KIAA0753: variants seen among roughly 807,000 people sequenced by gnomAD.
KIAA0753 encodes protein moonraker.
KIAA0753 carries 114 observed loss-of-function variants against 116.9 expected under a neutral mutation model. The observed-to-expected ratio is 0.98, with a 90% confidence interval of 0.84 to 1.14. The LOEUF (loss-of-function observed/expected upper bound fraction) is 1.14, where lower values mean the gene tolerates loss of function less well. Among genes scored for constraint, KIAA0753 ranks in the 50% most tolerant of loss-of-function variants. KIAA0753 has a pLI of 0.00. For synonymous variants in KIAA0753, 405 were observed against 413.1 expected, an observed-to-expected ratio of 0.98 and a Z score of 0.24; for missense variants, 1,156 against 1,172.4, an observed-to-expected ratio of 0.99 and a Z score of 0.20.
intron 14 of KIAA0753, among the ~76,000 whole-genome samples, chr17:6,596,921 T>G (rs1969526052): frequency 6.6e-6 from 1 of 152,232 alleles, no homozygotes; most frequent in Non-Finnish European, 1.5e-5. Context: ...GAATGCATGT[T>G]TATAATCTGC....
chr17:6,588,919 T>C (rs1416411516), intron 18 of KIAA0753, among the ~76,000 whole-genome samples: 1 of 152,158 alleles, frequency 6.6e-6, no homozygotes, highest in Non-Finnish European at 1.5e-5. Context: ...AAAGAAAATG[T>C]TGCAAAATCA....
chr17:6,629,904 A>C (rs1192340697), intron 2 of KIAA0753, among the ~76,000 whole-genome samples: 1 of 152,226 alleles, frequency 6.6e-6, no homozygotes, highest in Non-Finnish European at 1.5e-5. Flanking sequence ...TTGTCATTTG[A>C]GGTCAGGAGT....
intron 7 of KIAA0753, among the ~76,000 whole-genome samples, chr17:6,615,715 T>C (rs944435547): frequency 2.0e-5 from 3 of 151,704 alleles, no homozygotes; most frequent in African/African-American, 7.3e-5. Flanking sequence ...CTGTAAGTCC[T>C]GTTACCTTTC....
At chr17:6,634,360 T>G (rs1418411879) in intron 2 of KIAA0753, among the ~76,000 whole-genome samples, 1 of 152,176 alleles carries the variant, frequency 6.6e-6, no homozygotes, top group Admixed American at 6.5e-5. Context: ...CGCCTGGACC[T>G]CCCAAAGTGC....
Position 6,639,941 on chromosome 17 carries a change from C to G in KIAA0753, c.-69+696G>C, listed in dbSNP as rs1256969997. The G allele has an allele frequency of 6.5e-6, 1 of 153,584 alleles. No individual in the cohort carries two copies. The highest frequency in any genetic ancestry group is 1.5e-5 in the Non-Finnish European group (1 of 68,938). 9.5% of individuals were successfully genotyped at this position (153,584 alleles called of 1,614,324 possible). On this transcript the variant is annotated intron_variant, in intron 1 of 18. Coordinates refer to ENST00000361413, the MANE Select transcript of KIAA0753 (RefSeq NM_014804.3). The surrounding 1 kb of genome is among the most constrained non-coding windows in gnomAD (Gnocchi z 4.3). ...ACAGCCCCGGCAAGCCCCACCACCT[C>G]GGGCTCCCCCACAGCCCCGTTCACC...
At chr17:6,580,650 G>A (rs1388397817) in intron 18 of KIAA0753, among the ~76,000 whole-genome samples, 1 of 152,088 alleles carries the variant, frequency 6.6e-6, no homozygotes, top group East Asian at 1.9e-4. Flanking sequence ...AAGGTGAGAG[G>A]CCCTGCTCTC....
In KIAA0753 at chr17:6,610,088, A is replaced by C. The variant is rs1970432374; in HGVS notation, c.1618T>G (p.Ser540Ala). Residue 540 changes from serine (S) to alanine (A), a missense_variant, in exon 9 of 19, where the codon TCA becomes GCA. Physicochemically the swap from Ser to Ala is moderately conservative, Grantham distance 99. Transcript: ENST00000361413. ...TGCCGGTTCATTTTTAATCTGGATG[A>C]AACTGTTGTCTGCTGCACTCTGCTT... ...SKSRVQQTTV[S>A]SRLKMNRQPV... is the part of the protein sequence containing the mutation. 1 of 1,613,988 alleles carries C rather than the reference A, an allele frequency of 6.2e-7. No individual in the cohort carries two copies. The highest frequency in any genetic ancestry group is 8.5e-7 in the Non-Finnish European group (1 of 1,180,034).
At chr17:6,635,408 A>C (rs1025129465) in intron 1 of KIAA0753, 2 of 202,578 alleles carry the variant, frequency 9.9e-6, no homozygotes, top group Non-Finnish European at 1.9e-5. Context: ...TACTATTTTA[A>C]TAATAATCTC....
At chr17:6,592,302 A>C (rs1163618958) in intron 16 of KIAA0753, among the ~76,000 whole-genome samples, 1 of 152,216 alleles carries the variant, frequency 6.6e-6, no homozygotes, top group Non-Finnish European at 1.5e-5. Flanking sequence ...CCTATTTTAC[A>C]TGATGACATG....
chr17:6,599,538 A>G (rs1026074731), intron 13 of KIAA0753, among the ~76,000 whole-genome samples: 3 of 152,136 alleles, frequency 2.0e-5, no homozygotes, highest in Non-Finnish European at 1.5e-5. Context: ...CTCTGTAAAC[A>G]TTGTCAGAAT....
At chr17:6,637,314 C>G (rs1422855287) in intron 1 of KIAA0753, 7 of 152,314 alleles carry the variant, frequency 4.6e-5, no homozygotes, top group Admixed American at 4.6e-4. Context: ...CACCGTGTCT[C>G]CTTCTCCACA....
intron 16 of KIAA0753, among the ~76,000 whole-genome samples, chr17:6,592,565 AT>A (rs751344919): frequency 8.5e-5 from 13 of 152,204 alleles, no homozygotes; most frequent in Non-Finnish European, 1.8e-4. Flanking sequence ...GGAGGAGAAA[AT>A]CAAAAGTCTT....
rs761316249 is a variant in KIAA0753 at position 6,608,416 on chromosome 17, C to G, written c.1761G>C (p.Glu587Asp). 3 of 1,566,596 alleles carry G rather than the reference C, an allele frequency of 1.9e-6. No homozygotes were observed. The highest frequency in any genetic ancestry group is 1.4e-5 in the African/African-American group (1 of 73,202). The change falls in exon 10 of 19, where the codon GAG becomes GAC. Residue 587 changes from glutamate (E) to aspartate (D), a missense_variant. Physicochemically the swap from Glu to Asp is conservative, Grantham distance 45 (BLOSUM62 2). Coordinates refer to ENST00000361413, the MANE Select transcript of KIAA0753 (RefSeq NM_014804.3). The part of the protein sequence containing the change: ...VKTSPRDATK[E>D]PLQQEDPQEE... ...CTTGAGGATCTTCTTGCTGGAGAGGCTCTTTTGTGGCATCTCTGGGGCTAG... is the reference window on the plus strand; with the variant it reads ...CTTGAGGATCTTCTTGCTGGAGAGGGTCTTTTGTGGCATCTCTGGGGCTAG...
chr17:6,621,401 T>C (rs976612511), intron 6 of KIAA0753, among the ~76,000 whole-genome samples: 2 of 152,210 alleles, frequency 1.3e-5, no homozygotes, highest in East Asian at 3.8e-4. Flanking sequence ...TAACATACAT[T>C]TTCCTGAACT....
intron 1 of KIAA0753, chr17:6,636,569 G>A (rs1482323059): frequency 6.6e-6 from 1 of 152,400 alleles, no homozygotes; most frequent in Non-Finnish European, 1.5e-5. Context: ...CCTGTACAAA[G>A]TTCTGGGACT....
chr17:6,635,039 C>A lies in KIAA0753; in HGVS notation c.65G>T (p.Arg22Met). 6.2e-7 allele frequency: 1 copy of A among 1,613,196 alleles called. No individual in the cohort carries two copies. Among genetic ancestry groups the A allele is most frequent in the African/African-American group, 1.3e-5 (1 of 75,022 alleles). ...GGTCTGAAGTACTTTGGGGTCGCTCCTCCCATCAAGTTGGGTCCTAGGTGC... is the reference window on the plus strand; with the variant it reads ...GGTCTGAAGTACTTTGGGGTCGCTCATCCCATCAAGTTGGGTCCTAGGTGC... ...HLAPRTQLDG[R>M]SDPKVLQTQN... The change falls in exon 2 of 19, where the codon AGG (arginine) becomes ATG (methionine). Residue 22 changes from arginine to methionine, a missense_variant. Transcript: ENST00000361413.
At chr17:6,580,408 G>A (rs1365744780) in intron 18 of KIAA0753, among the ~76,000 whole-genome samples, 1 of 150,186 alleles carries the variant, frequency 6.7e-6, no homozygotes, top group African/African-American at 2.4e-5. Context: ...TCCGCCTCCC[G>A]GGTTCACACC....
intron 7 of KIAA0753, among the ~76,000 whole-genome samples, chr17:6,617,578 C>G (rs1358296987): frequency 3.9e-5 from 6 of 152,166 alleles, no homozygotes; most frequent in Non-Finnish European, 5.9e-5. Flanking sequence ...ACCCCAGTTC[C>G]TGACACAGAG....
chr17:6,625,560 G>A (rs887211083), intron 3 of KIAA0753, among the ~76,000 whole-genome samples: 1 of 151,542 alleles, frequency 6.6e-6, no homozygotes, highest in African/African-American at 2.4e-5. Context: ...CCAGCTACTC[G>A]GGAGGCTGAG....
Sources: gnomAD v4.1 joint callset for allele counts (sites outside exome capture counted in the v4.1 genomes callset) on GRCh38, gnomAD v4.1.1 for gene constraint, Gnocchi (gnomAD v3.1) non-coding constraint, MANE v1.5 for transcripts, NCBI Gene and HGNC (gene_info 2026-07-23, HGNC 2026-07-21) for gene names.